SH2D4B: variants seen among roughly 807,000 people sequenced by gnomAD.
SH2D4B encodes the protein SH2 domain containing 4B.
Under a neutral mutation model 61.5 loss-of-function variants are expected in SH2D4B, and 45 were observed. That is an observed-to-expected ratio of 0.73 (90% confidence interval 0.58 to 0.94). The LOEUF is 0.94. Among genes scored for constraint, SH2D4B ranks in the 40% least tolerant of loss-of-function variants. The pLI, the probability that SH2D4B is intolerant of heterozygous loss-of-function variation, is 0.00. For synonymous variants in SH2D4B, 224 were observed against 220.4 expected (o/e 1.02, Z -0.14); for missense variants, 572 against 574.2 (o/e 1.00, Z 0.04).
At position 80,644,907 on chromosome 10, in the gene SH2D4B, C is replaced by T. The variant is rs1840369925; in HGVS notation, c.*822C>T. The T allele has an allele frequency of 6.6e-6, 1 of 152,336 alleles. No individual in the cohort carries two copies. Among genetic ancestry groups the T allele is most frequent in the Non-Finnish European group, 1.5e-5 (1 of 68,036 alleles). 9.4% of individuals were successfully genotyped at this position (152,336 alleles called of 1,614,324 possible). A position where few individuals can be genotyped will look rare whatever the true frequency, so the allele number is the denominator to read the frequency against. On this transcript the variant is annotated 3_prime_UTR_variant, in exon 8 of 8. Transcript: ENST00000646907. ...CTATGCAGGTTACTCCAATGATTAG[C>T]TCTGTCCTCATTGTCCTTTTAATTC...
At chr10:80,595,359 C>T (rs1842374128) in intron 4 of SH2D4B, among the ~76,000 whole-genome samples, 1 of 152,212 alleles carries the variant, frequency 6.6e-6, no homozygotes, top group Non-Finnish European at 1.5e-5. Flanking sequence ...TCTTTGCTCT[C>T]CAAGCTCCCT....
chr10:80,574,761 C>T (rs540627048), intron 3 of SH2D4B, among the ~76,000 whole-genome samples: 12 of 152,262 alleles, frequency 7.9e-5, no homozygotes, highest in East Asian at 1.9e-4. Flanking sequence ...AGTGCAATGG[C>T]GCAATCTCGG....
At chr10:80,548,240 C>T (rs943281077) in intron 1 of SH2D4B, among the ~76,000 whole-genome samples, 2 of 152,256 alleles carry the variant, frequency 1.3e-5, no homozygotes, top group African/African-American at 4.8e-5. Flanking sequence ...TCTCAGCTCA[C>T]TGCAACCTCC....
intron 3 of SH2D4B, among the ~76,000 whole-genome samples, chr10:80,572,984 ATATTTTT>A (rs1842078686): frequency 1.2e-4 from 1 of 8,296 alleles, no homozygotes; most frequent in Non-Finnish European, 2.1e-4. Flanking sequence ...ATATATATAT[ATATTTTT>A]TTTTTTTTTT....
At chr10:80,605,691 G>T (rs1018416770) in intron 5 of SH2D4B, among the ~76,000 whole-genome samples, 4 of 152,036 alleles carry the variant, frequency 2.6e-5, no homozygotes, top group African/African-American at 9.7e-5. Context: ...GCTAATTTTT[G>T]TATTTTTAGT....
chr10:80,558,013 T>C (rs990028014), intron 1 of SH2D4B, among the ~76,000 whole-genome samples: 2 of 152,152 alleles, frequency 1.3e-5, no homozygotes, highest in African/African-American at 4.8e-5. Flanking sequence ...CTACATCACA[T>C]GAATTTTTAC....
intron 3 of SH2D4B, among the ~76,000 whole-genome samples, chr10:80,575,831 C>T (rs950306903): frequency 1.3e-5 from 2 of 152,186 alleles, no homozygotes; most frequent in African/African-American, 4.8e-5. Context: ...TTTCCCTCCA[C>T]AGCTATAAAA....
chr10:80,553,768 A>G (rs1841791986), intron 1 of SH2D4B, among the ~76,000 whole-genome samples: 1 of 152,224 alleles, frequency 6.6e-6, no homozygotes, highest in South Asian at 2.1e-4. Flanking sequence ...ACAATATCAA[A>G]TAGCCTGGCA....
At chr10:80,579,080 C>G (rs56856662) in intron 3 of SH2D4B, among the ~76,000 whole-genome samples, 8,687 of 152,022 alleles carry the variant, frequency 0.057, 620 homozygotes, top group East Asian at 0.32. Context: ...ATTTTTACCC[C>G]ACAGAGAAGG....
chr10:80,585,279 C>T, intron 3 of SH2D4B, among the ~76,000 whole-genome samples: 1 of 152,028 alleles, frequency 6.6e-6, no homozygotes, highest in East Asian at 1.9e-4. Context: ...CCTCCCTCTT[C>T]CTCCAAAATG....
At chr10:80,553,616 G>C (rs1841790576) in intron 1 of SH2D4B, among the ~76,000 whole-genome samples, 1 of 152,178 alleles carries the variant, frequency 6.6e-6, no homozygotes. Context: ...AGAGGGTCCA[G>C]GCTTCATAGG....
intron 3 of SH2D4B, among the ~76,000 whole-genome samples, chr10:80,581,392 C>T (rs1202839737): frequency 6.6e-6 from 1 of 152,160 alleles, no homozygotes; most frequent in Non-Finnish European, 1.5e-5. Context: ...GAATTATGTC[C>T]CTGCTAAAAT....
At chr10:80,540,811 CTTGG>C (rs1447061523) in intron 1 of SH2D4B, 1 of 1,548,884 alleles carries the variant, frequency 6.5e-7, no homozygotes, top group Non-Finnish European at 8.7e-7. Context: ...AAGGGTGAGG[CTTGG>C]TTCAAAGCAG....
intron 1 of SH2D4B, chr10:80,540,859 G>T: frequency 6.4e-7 from 1 of 1,551,494 alleles, no homozygotes; most frequent in South Asian, 1.2e-5. Context: ...ATTGTGCGGG[G>T]ACGGGCTCCA....
At chr10:80,552,176 A>G (rs1194383091) in intron 1 of SH2D4B, among the ~76,000 whole-genome samples, 1 of 152,192 alleles carries the variant, frequency 6.6e-6, no homozygotes, top group Non-Finnish European at 1.5e-5. Context: ...AAACATTCAG[A>G]ATTTCAGACC....
intron 1 of SH2D4B, among the ~76,000 whole-genome samples, chr10:80,546,956 G>A (rs146408281): frequency 5.9e-5 from 9 of 152,112 alleles, no homozygotes; most frequent in African/African-American, 2.2e-4. Context: ...TGGTTTTGTT[G>A]GTGTAATCAA....
At position 80,570,623 on chromosome 10, in the gene SH2D4B, G is replaced by A. The variant is rs115086983; in HGVS notation, c.347+307G>A. Among the ~76,000 whole-genome samples, 366 of 152,300 alleles carry A rather than the reference G, an allele frequency of 2.4e-3. 1 individual carries two copies. Among genetic ancestry groups the A allele is most frequent in the African/African-American group, 8.4e-3 (348 of 41,566 alleles). On this transcript the variant is annotated intron_variant, in intron 2 of 7. Coordinates refer to ENST00000646907, the MANE Select transcript of SH2D4B (RefSeq NM_001388272.1). ...ACACCCACCACCTAATGTAACCATA[G>A]TGAATGTTTAGTTAATACATGCTTT...
chr10:80,613,769 G>A (rs980789127), intron 6 of SH2D4B, among the ~76,000 whole-genome samples: 1 of 152,204 alleles, frequency 6.6e-6, no homozygotes, highest in Non-Finnish European at 1.5e-5. Flanking sequence ...TATGAGATGC[G>A]AGAGCTCCAA....
chr10:80,630,714 A>G (rs958214941), intron 6 of SH2D4B, among the ~76,000 whole-genome samples: 2 of 152,016 alleles, frequency 1.3e-5, no homozygotes, highest in Admixed American at 1.3e-4. Flanking sequence ...TAGGCTGCCC[A>G]TAGCCCATGA....
Sources: gnomAD v4.1 joint callset for allele counts (sites outside exome capture counted in the v4.1 genomes callset) on GRCh38, gnomAD v4.1.1 for gene constraint, MANE v1.5 for transcripts, NCBI Gene and HGNC (gene_info 2026-07-23, HGNC 2026-07-21) for gene names.